The following CD8B variants were observed in gnomAD, a reference collection of about 807,000 sequenced individuals.
CD8B encodes the protein CD8 subunit beta.
In CD8B, 6 loss-of-function variants were observed where a neutral mutation model predicts 24.2. The observed-to-expected ratio is 0.25, with a 90% CI of 0.14 to 0.49. The LOEUF is 0.49. Ranked by LOEUF, CD8B falls within the 20% of genes least tolerant of loss-of-function variation. The pLI is 0.98. For missense variants in CD8B, 196 were observed against 271.3 expected (o/e 0.72, Z 1.95); for synonymous variants, 84 against 108.3 (o/e 0.78, Z 1.39).
Position 86,841,596 on chromosome 2 carries a change from C to G in CD8B, c.*711G>C, listed in dbSNP as rs1285612921. 1 of 984,982 alleles carries G rather than the reference C, an allele frequency of 1.0e-6. No homozygotes were observed. The highest frequency in any genetic ancestry group is 1.2e-6 in the Non-Finnish European group (1 of 829,734). The allele number at this position is 984,982 out of a possible 1,614,324, so 61.0% of individuals were successfully genotyped here. A position where few individuals can be genotyped will look rare whatever the true frequency, so the allele number is the denominator to read the frequency against. On this transcript the variant is annotated 3_prime_UTR_variant, in exon 6 of 6. Transcript: ENST00000390655. Reference sequence around the variant, plus strand: ...CACAGGAGCCGTTTGTTATCTTTAACCTGGGACTTTATTTGTACAACTAAG... The same window carrying G: ...CACAGGAGCCGTTTGTTATCTTTAAGCTGGGACTTTATTTGTACAACTAAG...
chr2:86,858,313 G>A lies in CD8B; in HGVS notation c.147C>T (p.Asn49=). The A allele has an allele frequency of 6.2e-7, 1 of 1,614,010 alleles. No individual in the cohort carries two copies. The highest frequency in any genetic ancestry group is 1.1e-5 in the South Asian group (1 of 91,076). ...LSCEAKISLS[N]MRIYWLRQRQ... is the part of the protein sequence containing the mutation. ...GCTGTCTCAGCCAGTAGATGCGCATGTTACTGAGGGAGATTTTAGCCTCGC... is the reference window on the plus strand; with the variant it reads ...GCTGTCTCAGCCAGTAGATGCGCATATTACTGAGGGAGATTTTAGCCTCGC... Residue 49 remains asparagine (N), a synonymous_variant, in exon 2 of 6, where the codon AAC becomes AAT. Transcript: ENST00000390655.
chr2:86,858,350 A>G lies in CD8B; in HGVS notation c.110T>C (p.Val37Ala), dbSNP rs758188273. The change falls in exon 2 of 6, where the codon GTG becomes GCG. Residue 37 changes from valine to alanine, a missense_variant. Val to Ala is a moderately conservative substitution (Grantham distance 64). Coordinates refer to ENST00000390655, the MANE Select transcript of CD8B (RefSeq NM_004931.5). Reference protein sequence around the residue: ...AYIKVQTNKMVMLSCEAKISL... With the variant: ...AYIKVQTNKMAMLSCEAKISL... ...GATTTTAGCCTCGCAGGACAGCATCACCATCTTGTTGGTTTGCACCTTTAT... is the reference window on the plus strand; with the variant it reads ...GATTTTAGCCTCGCAGGACAGCATCGCCATCTTGTTGGTTTGCACCTTTAT... 2.9e-5 allele frequency: 46 copies of G among 1,613,658 alleles called. No individual in the cohort carries two copies. The highest frequency in any genetic ancestry group is 3.7e-5 in the Non-Finnish European group (44 of 1,179,822).
chr2:86,849,146 G>A (rs1237834175), intron 3 of CD8B, among the ~76,000 whole-genome samples: 5 of 152,320 alleles, frequency 3.3e-5, no homozygotes, highest in African/African-American at 9.6e-5. Flanking sequence ...CAGATCCTCC[G>A]AGTTCCAAGC....
chr2:86,818,826 G>T lies in CD8B; in HGVS notation c.621-3108C>A, dbSNP rs115509581. On this transcript the variant is annotated intron_variant, in intron 5 of 5. Transcript: ENST00000331469. ...TGATTAAGTTTAGTGAGGAAGGGAT[G>T]CTGAAAGTGGAGACAGGCTGAAAGC... Among the ~76,000 whole-genome samples the T allele has an allele frequency of 1.8e-3, 270 of 152,356 alleles. 1 individual carries two copies. Among genetic ancestry groups the T allele is most frequent in the Non-Finnish European group, 1.8e-3 (121 of 68,032 alleles).
At chr2:86,835,092 G>C (rs537463789), downstream of CD8B, among the ~76,000 whole-genome samples, 3 of 152,328 alleles carry the variant, frequency 2.0e-5, no homozygotes, top group African/African-American at 7.2e-5. Flanking sequence ...GCTCCTTTCT[G>C]TGCTGGGTGG....
intron 4 of CD8B, among the ~76,000 whole-genome samples, chr2:86,845,683 G>A (rs1017141317): frequency 3.3e-5 from 5 of 152,098 alleles, no homozygotes; most frequent in Admixed American, 6.5e-5. Context: ...TCAATTAGCT[G>A]TATTCGCTTA....
At chr2:86,836,767 C>T (rs1259292306), downstream of CD8B, among the ~76,000 whole-genome samples, 5 of 152,078 alleles carry the variant, frequency 3.3e-5, no homozygotes, top group Non-Finnish European at 4.4e-5. Context: ...TACACACACA[C>T]GCACACCCCC....
At chr2:86,847,711 G>A (rs1323112567) in intron 3 of CD8B, among the ~76,000 whole-genome samples, 8 of 152,208 alleles carry the variant, frequency 5.3e-5, no homozygotes, top group South Asian at 2.1e-4. Flanking sequence ...GATTACAGGC[G>A]TCCGCCGTCA....
intron 1 of CD8B, among the ~76,000 whole-genome samples, chr2:86,860,399 A>G (rs1221286000): frequency 1.3e-5 from 2 of 152,242 alleles, no homozygotes; most frequent in African/African-American, 4.8e-5. Context: ...AGCAGAGCAG[A>G]GGTTTTTCCT....
downstream of CD8B, among the ~76,000 whole-genome samples, chr2:86,837,792 A>AG (rs1675237330): frequency 4.8e-5 from 1 of 20,682 alleles, no homozygotes; most frequent in Non-Finnish European, 9.0e-5. Context: ...ACTGAAAGGA[A>AG]GGGGGCGGGG....
chr2:86,834,291 C>T (rs1218088921), downstream of CD8B, among the ~76,000 whole-genome samples: 2 of 147,888 alleles, frequency 1.4e-5, no homozygotes, highest in Non-Finnish European at 3.0e-5. Context: ...CAGCAGTGAG[C>T]AGCATCACTG....
chr2:86,833,030 C>G, intron 5 of CD8B: 1 of 405,152 alleles, frequency 2.5e-6, no homozygotes, highest in South Asian at 1.8e-5. Context: ...TCCCCTCCAC[C>G]CTTCCTCTTG....
intron 5 of CD8B, among the ~76,000 whole-genome samples, chr2:86,819,371 G>T (rs902009758): frequency 2.0e-5 from 3 of 152,214 alleles, no homozygotes; most frequent in Admixed American, 1.3e-4. Flanking sequence ...AGAAGTCAAT[G>T]CCTGGCTTCA....
intron 5 of CD8B, among the ~76,000 whole-genome samples, chr2:86,820,495 A>G (rs554152722): frequency 6.6e-6 from 1 of 152,350 alleles, no homozygotes; most frequent in South Asian, 2.1e-4. Context: ...AGGTGATTTT[A>G]GCATGTATTT....
chr2:86,853,181 G>T, intron 2 of CD8B, 95 bp from the exon 3 acceptor site: 1 of 1,542,042 alleles, frequency 6.5e-7, no homozygotes, highest in African/African-American at 1.4e-5. Context: ...GGTGGCTCAT[G>T]CCTGGAATCC....
intron 5 of CD8B, among the ~76,000 whole-genome samples, chr2:86,823,548 G>A (rs57627212): frequency 0.08 from 12,206 of 152,200 alleles, 1,492 homozygotes; most frequent in African/African-American, 0.27. Context: ...TCAAAGTGCT[G>A]AGATTACAAA....
chr2:86,816,366 C>T (rs1051413700), intron 5 of CD8B, among the ~76,000 whole-genome samples: 12 of 152,074 alleles, frequency 7.9e-5, no homozygotes, highest in Non-Finnish European at 1.3e-4. Flanking sequence ...TAAGTTTTCC[C>T]CAGTTAATCT....
intron 5 of CD8B, among the ~76,000 whole-genome samples, chr2:86,822,014 ACT>A (rs1307727019): frequency 6.6e-6 from 1 of 151,896 alleles, no homozygotes; most frequent in Admixed American, 6.6e-5. Context: ...ACTCCGAGCA[ACT>A]CTGTGCTTGG....
intron 2 of CD8B, among the ~76,000 whole-genome samples, chr2:86,857,403 G>A (rs996517758): frequency 6.6e-6 from 1 of 152,208 alleles, no homozygotes; most frequent in African/African-American, 2.4e-5. Flanking sequence ...CTGAAGGACA[G>A]CACTGCCCTG....
Sources: allele counts gnomAD v4.1 joint callset (sites outside exome capture counted in the v4.1 genomes callset), GRCh38; gene constraint gnomAD v4.1.1; transcripts MANE v1.5; gene names NCBI Gene and HGNC (gene_info 2026-07-23, HGNC 2026-07-21).